The following CEP112 variants were observed in gnomAD, a reference collection of about 807,000 sequenced individuals.
CEP112 encodes centrosomal protein 112.
A neutral mutation model predicts 153.0 loss-of-function variants in CEP112; 127 were observed. The observed-to-expected ratio is 0.83, with a 90% confidence interval of 0.72 to 0.96. The LOEUF (loss-of-function observed/expected upper bound fraction) is 0.96. CEP112 is among the 40% of genes least tolerant of loss of function. The pLI is 0.00. For synonymous variants in CEP112, 358 were observed against 374.4 expected (o/e 0.96, Z 0.51); for missense variants, 1,089 against 1,101.2 (o/e 0.99, Z 0.16).
At chr17:65,765,025 T>C (rs2052864913) in intron 21 of CEP112, among the ~76,000 whole-genome samples, 1 of 126,618 alleles carries the variant, frequency 7.9e-6, no homozygotes, top group African/African-American at 3.3e-5. Context: ...CTTAATTTTT[T>C]CCACATACAA....
intron 17 of CEP112, among the ~76,000 whole-genome samples, chr17:65,983,781 A>C (rs1428924576): frequency 6.6e-6 from 1 of 152,204 alleles, no homozygotes; most frequent in East Asian, 1.9e-4. Flanking sequence ...ATTCCTTTAT[A>C]TCAATGCAAA....
chr17:65,908,827 G>A (rs953415329), intron 19 of CEP112, among the ~76,000 whole-genome samples: 2 of 152,176 alleles, frequency 1.3e-5, no homozygotes, highest in Admixed American at 6.5e-5. Flanking sequence ...CAGAACAGAC[G>A]AAATCCTTCT....
intron 19 of CEP112, among the ~76,000 whole-genome samples, chr17:65,920,360 AAAATATAT>A (rs2060658981): frequency 2.6e-5 from 1 of 37,772 alleles, no homozygotes; most frequent in Admixed American, 3.4e-4. Flanking sequence ...ACAAACAAAC[AAAATATAT>A]ATATATATAT....
chr17:65,951,867 G>A (rs11867256), intron 18 of CEP112, among the ~76,000 whole-genome samples: 82,124 of 151,512 alleles, frequency 0.54, 23,111 homozygotes, highest in East Asian at 0.95. Flanking sequence ...AAAGCTATAA[G>A]TCTTTCTCTA....
chr17:65,927,105 G>C (rs2144175627), intron 19 of CEP112, among the ~76,000 whole-genome samples: 1 of 151,706 alleles, frequency 6.6e-6, no homozygotes, highest in East Asian at 1.9e-4. Flanking sequence ...CTCTGAGTTT[G>C]AGTGACCTGG....
chr17:66,140,612 A>G (rs916314444), intron 4 of CEP112, among the ~76,000 whole-genome samples: 2 of 152,198 alleles, frequency 1.3e-5, no homozygotes, highest in African/African-American at 4.8e-5. Flanking sequence ...GCACTTCTTT[A>G]CACTAACAAT....
chr17:65,959,311 A>T (rs2062112332), intron 18 of CEP112, among the ~76,000 whole-genome samples: 1 of 152,054 alleles, frequency 6.6e-6, no homozygotes, highest in South Asian at 2.1e-4. Flanking sequence ...TCACTGGGAC[A>T]CCCTGGCTGC....
At chr17:66,091,471 A>G (rs1237184509) in intron 8 of CEP112, among the ~76,000 whole-genome samples, 1 of 152,166 alleles carries the variant, frequency 6.6e-6, no homozygotes, top group Non-Finnish European at 1.5e-5. Flanking sequence ...TAAAAGAGAA[A>G]TTTAAAAATA....
chr17:66,046,322 G>A (rs995812875), intron 12 of CEP112, among the ~76,000 whole-genome samples: 7 of 152,228 alleles, frequency 4.6e-5, no homozygotes, highest in East Asian at 1.9e-4. Context: ...GATTATAGGC[G>A]TGAGCCACCA....
intron 8 of CEP112, among the ~76,000 whole-genome samples, chr17:66,071,780 T>C (rs1165814078): frequency 1.3e-5 from 2 of 152,030 alleles, no homozygotes. Flanking sequence ...ATCCAGTATA[T>C]AGAAAAAAGT....
chr17:65,640,199 G>C (rs1242746613), intron 25 of CEP112, among the ~76,000 whole-genome samples: 1 of 132,680 alleles, frequency 7.5e-6, no homozygotes, highest in African/African-American at 3.0e-5. Context: ...TGTCATCCAG[G>C]CTGGAGTGCA....
intron 19 of CEP112, among the ~76,000 whole-genome samples, chr17:65,915,535 C>T (rs2060445129): frequency 1.3e-5 from 2 of 152,060 alleles, no homozygotes; most frequent in African/African-American, 4.8e-5. Flanking sequence ...CCTGTAATCC[C>T]AGCACTTTGG....
chr17:66,025,920 TACACAC>T (rs759825168), intron 16 of CEP112, among the ~76,000 whole-genome samples: 27 of 124,590 alleles, frequency 2.2e-4, no homozygotes, highest in African/African-American at 6.6e-4. Context: ...AAATGTGGCA[TACACAC>T]ACACACACAC....
At chr17:65,823,337 T>C (rs1369018407) in intron 21 of CEP112, among the ~76,000 whole-genome samples, 6 of 152,146 alleles carry the variant, frequency 3.9e-5, no homozygotes, top group Non-Finnish European at 8.8e-5. Flanking sequence ...GATAGACATA[T>C]AGATTAATAG....
At chr17:65,746,039 C>A (rs1308357500) in intron 22 of CEP112, among the ~76,000 whole-genome samples, 1 of 151,782 alleles carries the variant, frequency 6.6e-6, no homozygotes, top group Non-Finnish European at 1.5e-5. Flanking sequence ...GTGACACATG[C>A]CTGTAATCCC....
rs201031371 is a variant in CEP112, at chr17:65,689,259, C to T, written c.2608-41G>A. On this transcript the variant is annotated intron_variant, in intron 23 of 26. Coordinates refer to ENST00000535342, the MANE Select transcript of CEP112 (RefSeq NM_001199165.4). ...ATAAAGATATCATTAATAATTAGCACACTTGGAAAAATAGTTCTACACCAT... is the reference window on the plus strand; with the variant it reads ...ATAAAGATATCATTAATAATTAGCATACTTGGAAAAATAGTTCTACACCAT... 19 of 1,432,954 alleles carry T rather than the reference C, an allele frequency of 1.3e-5. No individual in the cohort carries two copies. In the South Asian group the frequency reaches 2.0e-4, roughly 15 times the overall value. 88.8% of individuals were successfully genotyped at this position (1,432,954 alleles called of 1,614,324 possible).
chr17:65,665,293 C>A (rs1412576137), intron 24 of CEP112, among the ~76,000 whole-genome samples: 1 of 152,158 alleles, frequency 6.6e-6, no homozygotes, highest in African/African-American at 2.4e-5. Flanking sequence ...ACAGGAGGTA[C>A]ATTAAGAGCC....
intron 20 of CEP112, among the ~76,000 whole-genome samples, chr17:65,871,889 T>A (rs1227181467): frequency 1.3e-5 from 2 of 152,220 alleles, no homozygotes; most frequent in Non-Finnish European, 2.9e-5. Context: ...TCCCTGCACC[T>A]GTCAAAGCAT....
At chr17:65,805,674 T>C (rs2055555398) in intron 21 of CEP112, among the ~76,000 whole-genome samples, 1 of 152,212 alleles carries the variant, frequency 6.6e-6, no homozygotes, top group African/African-American at 2.4e-5. Flanking sequence ...TCCTGGACAA[T>C]ATCTGATAAA....
Sources: gnomAD v4.1 joint callset for allele counts (sites outside exome capture counted in the v4.1 genomes callset) on GRCh38, gnomAD v4.1.1 for gene constraint, MANE v1.5 for transcripts, NCBI Gene and HGNC (gene_info 2026-07-23, HGNC 2026-07-21) for gene names.